REDIC1: variants seen among roughly 807,000 people sequenced by gnomAD.
REDIC1 encodes HEI10 Interacting Protein 1.
the REDIC1 span, among the ~76,000 whole-genome samples, chr12:39,812,634 G>A: frequency 7.9e-5 from 12 of 151,002 alleles, no homozygotes; most frequent in African/African-American, 1.2e-4. Flanking sequence ...GGCTACGCCC[G>A]GCTGATTTGT....
the REDIC1 span, among the ~76,000 whole-genome samples, chr12:39,648,420 A>G: frequency 6.6e-6 from 1 of 151,990 alleles, no homozygotes; most frequent in Admixed American, 6.6e-5. Flanking sequence ...TTATAATTTG[A>G]AAGATGACAA....
At chr12:39,706,627 C>A in the REDIC1 span, among the ~76,000 whole-genome samples, 103 of 151,778 alleles carry the variant, frequency 6.8e-4, no homozygotes, top group Middle Eastern at 0.01. Flanking sequence ...ACTATAGTAA[C>A]CAAAACAGCA....
At chr12:39,792,811 A>AC in the REDIC1 span, among the ~76,000 whole-genome samples, 1 of 151,146 alleles carries the variant, frequency 6.6e-6, no homozygotes, top group Non-Finnish European at 1.5e-5. Context: ...ATGAAAAAAA[A>AC]AAACCCCACA....
the REDIC1 span, chr12:39,641,092 G>A: frequency 1.7e-5 from 16 of 951,958 alleles, no homozygotes; most frequent in Non-Finnish European, 2.6e-5. Context: ...GAAACTGGAG[G>A]CCATCTTCCT....
At chr12:39,830,355 T>G in the REDIC1 span, 1 of 1,450,792 alleles carries the variant, frequency 6.9e-7, no homozygotes, top group Non-Finnish European at 9.1e-7. Flanking sequence ...TGGGACTTGT[T>G]TTGGCCAAGG....
At chr12:39,820,800 C>T in the REDIC1 span, among the ~76,000 whole-genome samples, 2 of 92,498 alleles carry the variant, frequency 2.2e-5, no homozygotes, top group Non-Finnish European at 4.4e-5. Context: ...AAAATGCAAG[C>T]ACCATTCTTC....
chr12:39,748,036 C>G, the REDIC1 span, among the ~76,000 whole-genome samples: 51 of 152,224 alleles, frequency 3.4e-4, no homozygotes, highest in Admixed American at 1.8e-3. Flanking sequence ...GCAAAATAAC[C>G]AGCTAACATC....
chr12:39,829,392 CTTTTTTTTT>C, the REDIC1 span: 1 of 65,796 alleles, frequency 1.5e-5, no homozygotes, highest in Non-Finnish European at 2.5e-5. Context: ...GATAGTAATT[CTTTTTTTTT>C]TTTTTTTTTT....
At chr12:39,714,541 T>G in the REDIC1 span, among the ~76,000 whole-genome samples, 12 of 151,600 alleles carry the variant, frequency 7.9e-5, no homozygotes, top group African/African-American at 1.7e-4. Flanking sequence ...TTTTTTGAAT[T>G]TTTTGAATAT....
chr12:39,698,292 A>G, the REDIC1 span, among the ~76,000 whole-genome samples: 121 of 152,314 alleles, frequency 7.9e-4, no homozygotes, highest in African/African-American at 2.7e-3. Flanking sequence ...GAAAGAGGAT[A>G]TAACAATTTT....
chr12:39,829,419 T>TTTTTTTA, the REDIC1 span: 2 of 125,768 alleles, frequency 1.6e-5, 1 homozygote, highest in East Asian at 4.5e-4. Context: ...TTTTTTTCTT[T>TTTTTTTA]TTTTTGAGGC....
the REDIC1 span, among the ~76,000 whole-genome samples, chr12:39,877,062 C>T: frequency 6.6e-6 from 1 of 152,080 alleles, no homozygotes; most frequent in Non-Finnish European, 1.5e-5. Flanking sequence ...TTTAGAATGC[C>T]ATTACATTAA....
At chr12:39,899,903 ATG>A in the REDIC1 span, among the ~76,000 whole-genome samples, 1 of 152,028 alleles carries the variant, frequency 6.6e-6, no homozygotes, top group African/African-American at 2.4e-5. Context: ...CCTTCCAACT[ATG>A]TGGTCAATTT....
the REDIC1 span, among the ~76,000 whole-genome samples, chr12:39,724,863 A>G: frequency 1.4e-4 from 21 of 152,120 alleles, no homozygotes; most frequent in Non-Finnish European, 5.9e-5. Context: ...TTAATTAAAC[A>G]ATAAGAAGGA....
the REDIC1 span, among the ~76,000 whole-genome samples, chr12:39,901,250 C>G: frequency 2.6e-5 from 4 of 152,140 alleles, no homozygotes; most frequent in African/African-American, 9.7e-5. Flanking sequence ...AGAAGAAAAC[C>G]TAGGCAATAC....
the REDIC1 span, among the ~76,000 whole-genome samples, chr12:39,888,373 T>A: frequency 6.6e-6 from 1 of 152,168 alleles, no homozygotes; most frequent in African/African-American, 2.4e-5. Flanking sequence ...TACAGGTGCA[T>A]GGCACCACAC....
At chr12:39,753,020 G>A in the REDIC1 span, among the ~76,000 whole-genome samples, 1 of 152,302 alleles carries the variant, frequency 6.6e-6, no homozygotes, top group South Asian at 2.1e-4. Context: ...ACACACTCAG[G>A]TGATGCCAAT....
chr12:39,762,072 C>T, the REDIC1 span, among the ~76,000 whole-genome samples: 1 of 152,012 alleles, frequency 6.6e-6, no homozygotes, highest in Non-Finnish European at 1.5e-5. Context: ...AAATACAAGA[C>T]CGTTTTACAA....
chr12:39,807,218 A>G, the REDIC1 span, among the ~76,000 whole-genome samples: 1 of 152,150 alleles, frequency 6.6e-6, no homozygotes, highest in Non-Finnish European at 1.5e-5. Context: ...GGATGTGGGG[A>G]GTGGAGTGTG....
Sources: gnomAD v4.1 joint callset for allele counts (sites outside exome capture counted in the v4.1 genomes callset) on GRCh38, gnomAD v4.1.1 for gene constraint, MANE v1.5 for transcripts, NCBI Gene and HGNC (gene_info 2026-07-23, HGNC 2026-07-21) for gene names.